RGS12: variants seen among roughly 807,000 people sequenced by gnomAD.
RGS12 encodes regulator of G protein signaling 12, also known as regulator of G-protein signaling 12.
Under a neutral mutation model 120.1 loss-of-function variants are expected in RGS12, and 66 were observed. The observed-to-expected ratio is 0.55, with a 90% CI of 0.45 to 0.67. The LOEUF is 0.67. Ranked by LOEUF, RGS12 falls within the 30% of genes least tolerant of loss-of-function variation. The pLI is 0.00. For synonymous variants in RGS12, 827 were observed against 804.7 expected (o/e 1.03, Z -0.47); for missense variants, 1,859 against 1,957.7 (o/e 0.95, Z 0.95).
intron 2 of RGS12, among the ~76,000 whole-genome samples, chr4:3,329,847 G>C (rs11942127): frequency 0.023 from 3,234 of 142,600 alleles, 134 homozygotes; most frequent in African/African-American, 0.086. Context: ...AGTTGAGGAA[G>C]GAGTAAGAGA....
intron 14 of RGS12, 80 bp downstream of exon 14, chr4:3,425,640 G>T (rs1270873563): frequency 9.4e-5 from 99 of 1,049,098 alleles, no homozygotes; most frequent in Non-Finnish European, 1.0e-4. Flanking sequence ...CCGGTGCAGG[G>T]GAGGGGGTGA....
rs763447323 is a variant in RGS12 at position 3,430,402 on chromosome 4, A to G, written c.3566-5A>G. ...ACACGGTCACTCTGGGTTTTCTTCC[A>G]ATAGAGTTTTTTGAGCTTATTTCCA... On this transcript the variant is annotated splice_region_variant and splice_polypyrimidine_tract_variant and intron_variant, in intron 16 of 17. Coordinates refer to ENST00000336727, the MANE Select transcript of RGS12 (RefSeq NM_001394154.1). 1.2e-6 allele frequency: 2 copies of G among 1,606,752 alleles called. No homozygotes were observed. The highest frequency in any genetic ancestry group is 8.5e-7 in the Non-Finnish European group (1 of 1,175,622).
At chr4:3,344,978 C>T (rs1345693302) in intron 3 of RGS12, among the ~76,000 whole-genome samples, 7 of 152,186 alleles carry the variant, frequency 4.6e-5, no homozygotes, top group Non-Finnish European at 5.9e-5. Flanking sequence ...CTGAATAACA[C>T]GGAGGAAGGC....
At chr4:3,407,105 G>T (rs1721213941) in intron 4 of RGS12, among the ~76,000 whole-genome samples, 1 of 152,190 alleles carries the variant, frequency 6.6e-6, no homozygotes, top group South Asian at 2.1e-4. Context: ...CTTTGCCACT[G>T]CTTGTTTAAT....
intron 2 of RGS12, among the ~76,000 whole-genome samples, chr4:3,319,231 C>T (rs1301926029): frequency 1.3e-5 from 2 of 152,064 alleles, no homozygotes; most frequent in Non-Finnish European, 2.9e-5. Context: ...TCAAGACTGC[C>T]GTGAGCTGTG....
chr4:3,430,349 G>A (rs188346081), intron 16 of RGS12, 58 bp from the exon 17 acceptor site: 2 of 1,460,940 alleles, frequency 1.4e-6, no homozygotes, highest in African/African-American at 1.4e-5. Flanking sequence ...GTTCTGCGGT[G>A]ACAGTCATTA....
At chr4:3,423,867 G>A in intron 13 of RGS12, 2 of 524,606 alleles carry the variant, frequency 3.8e-6, no homozygotes, top group Admixed American at 3.4e-5. Flanking sequence ...AAAAAGAATT[G>A]ATATTTGAGA....
intron 17 of RGS12, among the ~76,000 whole-genome samples, chr4:3,436,142 C>G (rs567462097): frequency 2.6e-5 from 4 of 152,104 alleles, no homozygotes; most frequent in Admixed American, 2.6e-4. Flanking sequence ...GGGTCACACT[C>G]TGGAACTAAG....
At chr4:3,431,567 T>C in intron 17 of RGS12, 1 of 985,950 alleles carries the variant, frequency 1.0e-6, no homozygotes, top group South Asian at 4.7e-5. Context: ...AGCAGGGGAT[T>C]CAGTGAGTGT....
Position 3,293,846 on chromosome 4 carries a change from G to A in RGS12, c.-102+747G>A, listed in dbSNP as rs538419057. Among the ~76,000 whole-genome samples, 1,171 of 131,744 alleles carry A rather than the reference G, an allele frequency of 8.9e-3. 17 individuals are homozygous for A. The highest frequency in any genetic ancestry group is 0.042 in the Middle Eastern group (8 of 192). The allele number at this position is 131,744 out of a possible 152,430, so 86.4% of individuals were successfully genotyped here. A position where few individuals can be genotyped will look rare whatever the true frequency, so the allele number is the denominator to read the frequency against. ...GTAGACCGAGAGGGGGCCCAGAGCC[G>A]TGGAGTGTAGACAGAGAGAGGGCCC... On this transcript the variant is annotated intron_variant, in intron 1 of 17. Coordinates refer to ENST00000336727, the MANE Select transcript of RGS12 (RefSeq NM_001394154.1).
At chr4:3,335,281 C>G (rs920856188) in intron 2 of RGS12, among the ~76,000 whole-genome samples, 1 of 152,218 alleles carries the variant, frequency 6.6e-6, no homozygotes, top group African/African-American at 2.4e-5. Context: ...ACACGTTACT[C>G]TGTAACCATT....
chr4:3,428,344 A>C, intron 15 of RGS12, 175 bp downstream of exon 15: 1 of 790,916 alleles, frequency 1.3e-6, no homozygotes, highest in Non-Finnish European at 2.2e-6. Context: ...TTACCTGTGA[A>C]GGACTGGCTT....
At position 3,342,129 on chromosome 4, in the gene RGS12, A is replaced by G. The variant is rs529308263; in HGVS notation, c.1882-808A>G. 1.0e-3 allele frequency among the ~76,000 whole-genome samples: 152 copies of G among 152,086 alleles called. 1 individual carries two copies. The highest frequency in any genetic ancestry group is 4.6e-4 in the Non-Finnish European group (31 of 67,964). On this transcript the variant is annotated intron_variant, in intron 2 of 17. Transcript: ENST00000336727. ...TGGCAAGGTTTTCTACAAGACTCTTATGCAGGTGGAGAGACAAAAGTAGCT... is the reference window on the plus strand; with the variant it reads ...TGGCAAGGTTTTCTACAAGACTCTTGTGCAGGTGGAGAGACAAAAGTAGCT...
chr4:3,334,093 C>G (rs1712183887), intron 2 of RGS12, among the ~76,000 whole-genome samples: 1 of 152,078 alleles, frequency 6.6e-6, no homozygotes, highest in African/African-American at 2.4e-5. Context: ...CCTGAGGAAG[C>G]TGGTTGAAAA....
At chr4:3,406,456 G>A (rs1233210274) in intron 4 of RGS12, among the ~76,000 whole-genome samples, 1 of 152,184 alleles carries the variant, frequency 6.6e-6, no homozygotes, top group South Asian at 2.1e-4. Flanking sequence ...GTGTCCATCC[G>A]GGAGTCAGTA....
intron 1 of RGS12, among the ~76,000 whole-genome samples, chr4:3,302,826 T>G (rs936259631): frequency 1.5e-4 from 23 of 151,816 alleles, no homozygotes; most frequent in African/African-American, 4.6e-4. Flanking sequence ...CACAGAGTCG[T>G]GGGGGGAGGA....
intron 2 of RGS12, among the ~76,000 whole-genome samples, chr4:3,327,331 A>G (rs1448297592): frequency 6.6e-6 from 1 of 152,228 alleles, no homozygotes; most frequent in Non-Finnish European, 1.5e-5. Flanking sequence ...AACTATAAAA[A>G]TACTAGAAGA....
At chr4:3,308,816 G>T (rs956418334) in intron 1 of RGS12, among the ~76,000 whole-genome samples, 1 of 152,276 alleles carries the variant, frequency 6.6e-6, no homozygotes, top group East Asian at 1.9e-4. Context: ...GAGCCGCTCT[G>T]TCAGGATTGT....
rs1031219738 is a variant in RGS12, at chr4:3,386,567, G to T, written c.2020+130G>T. On this transcript the variant is annotated intron_variant, in intron 4 of 17. Transcript: ENST00000336727. ...CCTTTCCCTGTCTCCTTGTGGGCGG[G>T]TTCTAGGTGAGTTAATTCTGGGGGC... 1.5e-5 allele frequency: 12 copies of T among 784,242 alleles called. No individual in the cohort carries two copies. In the African/African-American group the frequency reaches 2.1e-4, roughly 14 times the overall value. The allele number at this position is 784,242 out of a possible 1,614,324, so 48.6% of individuals were successfully genotyped here. A position where few individuals can be genotyped will look rare whatever the true frequency, so the allele number is the denominator to read the frequency against.
Sources: allele counts gnomAD v4.1 joint callset (sites outside exome capture counted in the v4.1 genomes callset), GRCh38; gene constraint gnomAD v4.1.1; transcripts MANE v1.5; gene names NCBI Gene and HGNC (gene_info 2026-07-23, HGNC 2026-07-21).